ALDH3A2: variants seen among roughly 807,000 people sequenced by gnomAD.
The protein encoded by ALDH3A2 is aldehyde dehydrogenase 3 family member A2.
Under a neutral mutation model 51.3 loss-of-function variants are expected in ALDH3A2, and 36 were observed. The observed-to-expected ratio is 0.70, with a 90% CI of 0.54 to 0.93. The LOEUF (loss-of-function observed/expected upper bound fraction) is 0.93. Among genes scored for constraint, ALDH3A2 ranks in the 40% least tolerant of loss-of-function variants. The pLI, the probability that ALDH3A2 is intolerant of heterozygous loss-of-function variation, is 0.00. For synonymous variants in ALDH3A2, 199 were observed against 219.8 expected (o/e 0.91, Z 0.84); for missense variants, 552 against 603.1 (o/e 0.92, Z 0.89).
chr17:19,661,220 CAA>C lies in ALDH3A2; in HGVS notation c.895_896del (p.Lys299AspfsTer8), dbSNP rs1487872265. On this transcript the variant is annotated frameshift_variant, in exon 6 of 10. Coordinates refer to ENST00000176643, the MANE Select transcript of ALDH3A2 (RefSeq NM_000382.3). LOFTEE classifies it high-confidence loss of function. The stretch of plus-strand genomic sequence containing the variant: ...GAGGATACTAAGTTTGCTTGAAGGA[CAA>C]AAGATAGCTTTTGGTGGGGAGACTG... ...FKRILSLLEG[Q>X]KIAFGGETDE... 6.2e-7 allele frequency: 1 copy of C among 1,614,082 alleles called. No homozygotes were observed. The highest frequency in any genetic ancestry group is 2.2e-5 in the East Asian group (1 of 44,860).
At chr17:19,674,978 T>C (rs1237679723) in intron 9 of ALDH3A2, 1 of 152,716 alleles carries the variant, frequency 6.5e-6, no homozygotes, top group East Asian at 1.9e-4. Flanking sequence ...AAAGTAAAGT[T>C]CCAATAAAGC....
chr17:19,662,596 T>A (rs925092744), intron 6 of ALDH3A2, among the ~76,000 whole-genome samples: 1 of 152,210 alleles, frequency 6.6e-6, no homozygotes, highest in Non-Finnish European at 1.5e-5. Flanking sequence ...TCACCCTCCT[T>A]TCTTGTGCCT....
chr17:19,655,487 G>T (rs1330595856), intron 3 of ALDH3A2: 1 of 152,152 alleles, frequency 6.6e-6, no homozygotes, highest in African/African-American at 2.4e-5. Flanking sequence ...ACCGTGTTAG[G>T]GGATCAATAA....
rs1232172048 is a variant in ALDH3A2, at chr17:19,668,978, TTTTTC to T, written c.1208-2729_1208-2725del. On this transcript the variant is annotated intron_variant, in intron 8 of 9. Transcript: ENST00000176643. ...CCCTCCTTTTCTTCTTTTCTTTTCT[TTTTTC>T]TTTTCTTTTCTTTCCATTTAACCAT... Among the ~76,000 whole-genome samples, 4 of 139,208 alleles carry T rather than the reference TTTTTC, an allele frequency of 2.9e-5. 1 individual carries two copies. The highest frequency in any genetic ancestry group is 6.0e-5 in the Non-Finnish European group (4 of 66,848). 91.3% of individuals were successfully genotyped at this position (139,208 alleles called of 152,430 possible).
intron 3 of ALDH3A2, chr17:19,656,123 C>T (rs2084892083): frequency 1.9e-6 from 1 of 524,580 alleles, no homozygotes; most frequent in Non-Finnish European, 3.5e-6. Flanking sequence ...TGTTGCTGAG[C>T]TCATGTAAAA....
At chr17:19,674,797 CTT>C (rs1251404136) in intron 9 of ALDH3A2, 1 of 152,108 alleles carries the variant, frequency 6.6e-6, no homozygotes, top group Admixed American at 6.5e-5. Context: ...AAATAAATGA[CTT>C]TGAATCTGTA....
chr17:19,656,635 A>T, intron 4 of ALDH3A2, 61 bp downstream of exon 4: 1 of 1,472,582 alleles, frequency 6.8e-7, no homozygotes, highest in Non-Finnish European at 9.3e-7. Context: ...TTTCCTGACA[A>T]TGTTACTCTT....
In ALDH3A2 at chr17:19,650,296, T is replaced by A. The variant is rs1221727682; in HGVS notation, c.153+1172T>A. On this transcript the variant is annotated intron_variant, in intron 1 of 9. Coordinates refer to ENST00000176643, the MANE Select transcript of ALDH3A2 (RefSeq NM_000382.3). ...ATAATATTGTTACTTTTTTTTTTTT[T>A]AAACGGACAGGGTCTCCCTTTGTTA... 3.3e-5 allele frequency among the ~76,000 whole-genome samples: 5 copies of A among 151,734 alleles called. 1 individual carries two copies. Among genetic ancestry groups the A allele is most frequent in the Admixed American group, 1.3e-4 (2 of 15,254 alleles).
chr17:19,675,455 C>T lies in ALDH3A2; in HGVS notation c.1444-103C>T, dbSNP rs1286368348. ...ACAATGCATGTAGAGTCTCTTCAGA[C>T]AGGAGGTGTCTGAGTCCCAGTGCTG... On this transcript the variant is annotated intron_variant, in intron 9 of 9. Coordinates refer to ENST00000176643, the MANE Select transcript of ALDH3A2 (RefSeq NM_000382.3). The T allele has an allele frequency of 2.6e-6, 3 of 1,156,726 alleles. No homozygotes were observed. The East Asian group carries it at 7.0e-5, about 27-fold the overall frequency. 71.7% of individuals were successfully genotyped at this position (1,156,726 alleles called of 1,614,324 possible).
At chr17:19,671,626 C>A in intron 8 of ALDH3A2, 95 bp from the exon 9 acceptor site, 1 of 1,048,976 alleles carries the variant, frequency 9.5e-7, no homozygotes, top group Non-Finnish European at 1.5e-6. Flanking sequence ...TCCCAGGCAG[C>A]AGGGAGTGCA....
chr17:19,675,074 G>A (rs2085169411), intron 9 of ALDH3A2: 1 of 157,778 alleles, frequency 6.3e-6, no homozygotes, highest in African/African-American at 2.4e-5. Context: ...ATTTCATTAG[G>A]CCTTTGACAA....
intron 1 of ALDH3A2, among the ~76,000 whole-genome samples, chr17:19,651,038 A>T (rs538633957): frequency 6.6e-6 from 1 of 152,230 alleles, no homozygotes; most frequent in Non-Finnish European, 1.5e-5. Context: ...TGTATATAGG[A>T]TGACTCAAGA....
intron 3 of ALDH3A2, among the ~76,000 whole-genome samples, chr17:19,653,256 G>A (rs150590911): frequency 2.8e-4 from 42 of 152,062 alleles, no homozygotes; most frequent in African/African-American, 1.0e-3. Context: ...TGTTGGTCAG[G>A]CTGGTCTCGA....
Position 19,663,651 on chromosome 17 carries a change from G to A in ALDH3A2, c.1107+152G>A, listed in dbSNP as rs117489099. 234 of 944,490 alleles carry A rather than the reference G, an allele frequency of 2.5e-4. 2 individuals carry two copies. The East Asian group carries it at 5.5e-3, about 22-fold the overall frequency. 58.5% of individuals were successfully genotyped at this position (944,490 alleles called of 1,614,324 possible). On this transcript the variant is annotated intron_variant, in intron 7 of 9. Coordinates refer to ENST00000176643, the MANE Select transcript of ALDH3A2 (RefSeq NM_000382.3). Reference sequence around the variant, plus strand: ...CATCCACTAAGTGAGGTTGTGTTCCGAGGTTGCTGTCTTGGTTAATGAGAC... The same window carrying A: ...CATCCACTAAGTGAGGTTGTGTTCCAAGGTTGCTGTCTTGGTTAATGAGAC...
At chr17:19,657,937 C>T (rs1597558069) in intron 5 of ALDH3A2, 75 bp downstream of exon 5, 2 of 1,201,444 alleles carry the variant, frequency 1.7e-6, no homozygotes, top group South Asian at 2.5e-5. Flanking sequence ...CAGGCAGCAT[C>T]CCCATTTGTT....
intron 7 of ALDH3A2, among the ~76,000 whole-genome samples, chr17:19,664,151 C>G (rs543453064): frequency 1.3e-5 from 2 of 152,294 alleles, no homozygotes; most frequent in African/African-American, 4.8e-5. Context: ...TATTGAGATA[C>G]AGATAGCTAC....
intron 3 of ALDH3A2, 158 bp from the exon 4 acceptor site, chr17:19,656,208 T>A: frequency 1.4e-6 from 1 of 734,520 alleles, no homozygotes; most frequent in African/African-American, 1.7e-5. Flanking sequence ...TGTTCTCCTC[T>A]TGTCCTTGGT....
Position 19,656,381 on chromosome 17 carries a change from A to G in ALDH3A2, c.487A>G (p.Ile163Val). 1 of 1,613,914 alleles carries G rather than the reference A, an allele frequency of 6.2e-7. No individual in the cohort carries two copies. Among genetic ancestry groups the G allele is most frequent in the Non-Finnish European group, 8.5e-7 (1 of 1,179,816 alleles). Residue 163 changes from isoleucine to valine, a missense_variant, in exon 4 of 10, where the codon ATT becomes GTT. Transcript: ENST00000176643. ...QYLDQDLYIV[I>V]NGGVEETTEL... is the part of the protein sequence containing the mutation. ...TTTCTTTGAGGATCTCTATATTGTTATTAATGGTGGTGTTGAGGAAACCAC... is the reference window on the plus strand; with the variant it reads ...TTTCTTTGAGGATCTCTATATTGTTGTTAATGGTGGTGTTGAGGAAACCAC...
Position 19,668,777 on chromosome 17 carries a change from G to C in ALDH3A2, c.1208-2944G>C, listed in dbSNP as rs2085073318. On this transcript the variant is annotated intron_variant, in intron 8 of 9. Transcript: ENST00000176643. Reference sequence around the variant, plus strand: ...TGTGGCGGCACCACCTGTAATCCCAGCTACTTAGGAGGCTGAGGCAGTAGA... The same window carrying C: ...TGTGGCGGCACCACCTGTAATCCCACCTACTTAGGAGGCTGAGGCAGTAGA... Among the ~76,000 whole-genome samples, 2 of 131,822 alleles carry C rather than the reference G, an allele frequency of 1.5e-5. 1 individual carries two copies. The highest frequency in any genetic ancestry group is 3.3e-5 in the Non-Finnish European group (2 of 60,808). 86.5% of individuals were successfully genotyped at this position (131,822 alleles called of 152,430 possible).
Sources: gnomAD v4.1 joint callset for allele counts (sites outside exome capture counted in the v4.1 genomes callset) on GRCh38, gnomAD v4.1.1 for gene constraint, MANE v1.5 for transcripts, NCBI Gene and HGNC (gene_info 2026-07-23, HGNC 2026-07-21) for gene names.